Variants in SLC23A1 observed in about 807,000 individuals in gnomAD.
SLC23A1 encodes solute carrier family 23 member 1.
Under a neutral mutation model 62.5 loss-of-function variants are expected in SLC23A1, and 31 were observed. That is an observed-to-expected ratio of 0.50 (90% CI 0.37 to 0.67). The LOEUF (loss-of-function observed/expected upper bound fraction) is 0.67. Ranked by LOEUF, SLC23A1 falls within the 30% of genes least tolerant of loss-of-function variation. The pLI is 0.00. For synonymous variants in SLC23A1, 271 were observed against 313.2 expected (o/e 0.87, Z 1.42); for missense variants, 640 against 782.7 (o/e 0.82, Z 2.18).
rs756252283 is a variant in SLC23A1 at position 139,383,234 on chromosome 5, A to G, written c.20T>C (p.Leu7Pro). The G allele has an allele frequency of 7.5e-7, 1 of 1,342,134 alleles. No individual in the cohort carries two copies. Among genetic ancestry groups the G allele is most frequent in the Admixed American group, 2.2e-5 (1 of 44,848 alleles). 83.1% of individuals were successfully genotyped at this position (1,342,134 alleles called of 1,614,324 possible). MRAQEDLEGRTQHETTR... is the reference protein window; with the variant it reads MRAQEDPEGRTQHETTR... Reference sequence around the variant, plus strand: ...CCCCAGCACCTGTGTCCGGCCCTCGAGGTCCTCCTGGGCCCTCATCTTTGG... The same window carrying G: ...CCCCAGCACCTGTGTCCGGCCCTCGGGGTCCTCCTGGGCCCTCATCTTTGG... Residue 7 changes from leucine to proline, a missense_variant, in exon 1 of 15, where the codon CTC (leucine) becomes CCC (proline). Transcript: ENST00000348729.
chr5:139,382,556 A>G lies in SLC23A1; in HGVS notation c.86T>C (p.Phe29Ser), dbSNP rs566878712. ...PSTPLPTEPK[F>S]DMLYKIEDVP... is the part of the protein sequence containing the mutation. ...GTCCTCGATCTTGTACAACATGTCA[A>G]ACTTAGGCTCTGTGGGTAGCGGGGT... Residue 29 changes from phenylalanine to serine, a missense_variant, in exon 2 of 15, where the codon TTT becomes TCT. Phe to Ser is a radical substitution (Grantham distance 155). Coordinates refer to ENST00000348729, the MANE Select transcript of SLC23A1 (RefSeq NM_005847.5). 4 of 1,613,422 alleles carry G rather than the reference A, an allele frequency of 2.5e-6. No homozygotes were observed. In the South Asian group the frequency reaches 3.3e-5, roughly 13 times the overall value.
rs185133306 is a variant in SLC23A1 at position 139,374,060 on chromosome 5, G to A, written c.1550-1807C>T. Among the ~76,000 whole-genome samples the A allele has an allele frequency of 3.8e-4, 58 of 152,188 alleles. 1 individual carries two copies. Among genetic ancestry groups the A allele is most frequent in the East Asian group, 3.9e-4 (2 of 5,182 alleles). ...TAAACCCTCCCAATAACTCCAGCCCGGCTTCCTTGACTTCATTGCTTGCTT... is the reference window on the plus strand; with the variant it reads ...TAAACCCTCCCAATAACTCCAGCCCAGCTTCCTTGACTTCATTGCTTGCTT... On this transcript the variant is annotated intron_variant, in intron 13 of 14. Transcript: ENST00000348729.
upstream of SLC23A1, chr5:139,384,522 G>C (rs747473548): frequency 7.8e-7 from 1 of 1,289,630 alleles, no homozygotes; most frequent in South Asian, 1.2e-5. Context: ...CTTGGCTACT[G>C]CTCCCAATTT....
Position 139,372,263 on chromosome 5 carries a change from G to A in SLC23A1, c.1550-10C>T, listed in dbSNP as rs769605022. On this transcript the variant is annotated splice_polypyrimidine_tract_variant and intron_variant, in intron 13 of 14. Coordinates refer to ENST00000348729, the MANE Select transcript of SLC23A1 (RefSeq NM_005847.5). ...CGCTCCTCTGGGCTCCCTGGAAGAG[G>A]ATAGTGAGGTCATTTACCAAGGCCA... The A allele has an allele frequency of 5.0e-6, 8 of 1,607,770 alleles. No homozygotes were observed. The highest frequency in any genetic ancestry group is 6.0e-6 in the Non-Finnish European group (7 of 1,176,016).
chr5:139,375,073 C>A lies in SLC23A1; in HGVS notation c.1549+2329G>T, dbSNP rs527431445. On this transcript the variant is annotated intron_variant, in intron 13 of 14. Coordinates refer to ENST00000348729, the MANE Select transcript of SLC23A1 (RefSeq NM_005847.5). The stretch of plus-strand genomic sequence containing the variant: ...GTCCTCCCCAGCCCCAACCCACCAG[C>A]TGTTCAGAGACAGCCTCTGACACCT... Among the ~76,000 whole-genome samples, 5 of 152,330 alleles carry A rather than the reference C, an allele frequency of 3.3e-5. No homozygotes were observed. The East Asian group carries it at 9.6e-4, about 29-fold the overall frequency.
chr5:139,379,094 G>C lies in SLC23A1; in HGVS notation c.1073+113C>G. 2 of 1,041,318 alleles carry C rather than the reference G, an allele frequency of 1.9e-6. No individual in the cohort carries two copies. The highest frequency in any genetic ancestry group is 2.9e-6 in the Non-Finnish European group (2 of 681,166). 64.5% of individuals were successfully genotyped at this position (1,041,318 alleles called of 1,614,324 possible). A position where few individuals can be genotyped will look rare whatever the true frequency, so the allele number is the denominator to read the frequency against. On this transcript the variant is annotated intron_variant, in intron 9 of 14. Transcript: ENST00000348729. This position sits in a 1 kb window ranked among gnomAD's most constrained non-coding sequence, Gnocchi z 4.7. Reference sequence around the variant, plus strand: ...GCACAAACAAGGAGAATGAGGTCTGGAGCGTGTTCCCGACTTGCCTAAGCC... The same window carrying C: ...GCACAAACAAGGAGAATGAGGTCTGCAGCGTGTTCCCGACTTGCCTAAGCC...
chr5:139,368,642 T>C, intron 14 of SLC23A1: 1 of 865,560 alleles, frequency 1.2e-6, no homozygotes, highest in Non-Finnish European at 1.9e-6. Flanking sequence ...GTCTTTTTTT[T>C]TTTGGAAGAT....
chr5:139,373,018 C>T (rs908283373), intron 13 of SLC23A1, among the ~76,000 whole-genome samples: 3 of 152,130 alleles, frequency 2.0e-5, no homozygotes, highest in Admixed American at 6.6e-5. Context: ...GTAAGGGAGG[C>T]ATATTTTGAA....
rs191560478 is a variant in SLC23A1, at chr5:139,374,900, G to A, written c.1549+2502C>T. On this transcript the variant is annotated intron_variant, in intron 13 of 14. Coordinates refer to ENST00000348729, the MANE Select transcript of SLC23A1 (RefSeq NM_005847.5). ...TTGACTGTCTCAGGCCCATAGGATG[G>A]TCTGTTCCAGCCCCCAGTCTAGCAT... Among the ~76,000 whole-genome samples, 485 of 152,244 alleles carry A rather than the reference G, an allele frequency of 3.2e-3. 3 individuals carry two copies. Among genetic ancestry groups the A allele is most frequent in the African/African-American group, 0.011 (460 of 41,528 alleles).
At chr5:139,370,000 TACTC>T (rs978800968) in intron 14 of SLC23A1, among the ~76,000 whole-genome samples, 1 of 152,220 alleles carries the variant, frequency 6.6e-6, no homozygotes, top group Non-Finnish European at 1.5e-5. Context: ...ATGGTGACCT[TACTC>T]TAATAGAACC....
chr5:139,384,996 G>A (rs1441611130), upstream of SLC23A1, among the ~76,000 whole-genome samples: 1 of 152,128 alleles, frequency 6.6e-6, no homozygotes, highest in Non-Finnish European at 1.5e-5. Context: ...GCCAGGGCCT[G>A]CCCCAGGCAC....
intron 13 of SLC23A1, among the ~76,000 whole-genome samples, chr5:139,374,341 G>A (rs6876106): frequency 0.42 from 64,333 of 152,008 alleles, 15,379 homozygotes; most frequent in East Asian, 0.66. Context: ...CCAGCTACTC[G>A]GGAGGCTGAG....
At chr5:139,380,982 G>T in intron 3 of SLC23A1, 96 bp from the exon 4 acceptor site, 1 of 656,824 alleles carries the variant, frequency 1.5e-6, no homozygotes, top group Non-Finnish European at 2.7e-6. Context: ...AGCACAGAGA[G>T]AGTGACAGAG....
At chr5:139,377,284 C>T (rs752881556) in intron 13 of SLC23A1, 118 bp downstream of exon 13, 162 of 676,244 alleles carry the variant, frequency 2.4e-4, no homozygotes, top group Non-Finnish European at 3.9e-4. Context: ...ATTCCTGATG[C>T]TCCCTGCAGG....
In SLC23A1 at chr5:139,378,704, CG is replaced by C; in HGVS notation, c.1074-21del. On this transcript the variant is annotated intron_variant, in intron 9 of 14. Coordinates refer to ENST00000348729, the MANE Select transcript of SLC23A1 (RefSeq NM_005847.5). The surrounding 1 kb of genome is among the most constrained non-coding windows in gnomAD (Gnocchi z 4.5). ...ATGCCCCTGTAAGGAAAGGGAGAGT[CG>C]GGGCTTGGTCCAGCCTCTGCACCAG... The C allele has an allele frequency of 6.4e-7, 1 of 1,561,542 alleles. No individual in the cohort carries two copies. Among genetic ancestry groups the C allele is most frequent in the Non-Finnish European group, 8.7e-7 (1 of 1,144,038 alleles).
chr5:139,377,516 G>T lies in SLC23A1; in HGVS notation c.1454-19C>A, dbSNP rs757467885. ...AGAATGCCTGTGGAATAGGCCAAGGGCCAATGGGTGTCATGGCCCAATCTG... is the reference window on the plus strand; with the variant it reads ...AGAATGCCTGTGGAATAGGCCAAGGTCCAATGGGTGTCATGGCCCAATCTG... On this transcript the variant is annotated intron_variant, in intron 12 of 14. Transcript: ENST00000348729. The T allele has an allele frequency of 7.3e-6, 10 of 1,370,468 alleles. No individual in the cohort carries two copies. In the East Asian group the frequency reaches 1.4e-4, roughly 19 times the overall value. The allele number at this position is 1,370,468 out of a possible 1,614,324, so 84.9% of individuals were successfully genotyped here. A position where few individuals can be genotyped will look rare whatever the true frequency, so the allele number is the denominator to read the frequency against.
At position 139,378,113 on chromosome 5, in the gene SLC23A1, T is replaced by G. The variant is rs548475387; in HGVS notation, c.1315A>C (p.Ile439Leu). The change falls in exon 12 of 15, where the codon ATT becomes CTT. Residue 439 changes from isoleucine (I) to leucine (L), a missense_variant. Transcript: ENST00000348729. The surrounding 1 kb of genome is among the most constrained non-coding windows in gnomAD (Gnocchi z 4.5). ...GGMFCTLFGMITAVGLSNLQF... is the reference protein window; with the variant it reads ...GGMFCTLFGMLTAVGLSNLQF... Reference sequence around the variant, plus strand: ...AGGTTGGACAGCCCCACAGCTGTAATCATGCCTAAGGGCGCAAGAGAACGG... The same window carrying G: ...AGGTTGGACAGCCCCACAGCTGTAAGCATGCCTAAGGGCGCAAGAGAACGG... 1.2e-6 allele frequency: 2 copies of G among 1,614,180 alleles called. No homozygotes were observed. The highest frequency in any genetic ancestry group is 2.2e-5 in the South Asian group (2 of 91,072).
upstream of SLC23A1, chr5:139,384,577 C>G (rs1459384190): frequency 7.8e-7 from 1 of 1,280,536 alleles, no homozygotes; most frequent in Non-Finnish European, 1.0e-6. Flanking sequence ...CTCCCCAGCA[C>G]TTTTCTCTCC....
intron 14 of SLC23A1, among the ~76,000 whole-genome samples, chr5:139,370,477 T>TATTTATTC (rs896115709): frequency 2.5e-5 from 3 of 117,890 alleles, no homozygotes; most frequent in Admixed American, 7.6e-5. Context: ...AGCCTTTATT[T>TATTTATTC]ATTTATTTAT....
Sources: allele counts gnomAD v4.1 joint callset (sites outside exome capture counted in the v4.1 genomes callset), GRCh38; gene constraint gnomAD v4.1.1; non-coding constraint Gnocchi (gnomAD v3.1); transcripts MANE v1.5; gene names NCBI Gene and HGNC (gene_info 2026-07-23, HGNC 2026-07-21).